Variants in C1QTNF3 observed in about 807,000 individuals in gnomAD.
C1QTNF3 encodes C1q and TNF related 3, also known as complement C1q tumor necrosis factor-related protein 3.
Under a neutral mutation model 32.6 loss-of-function variants are expected in C1QTNF3, and 26 were observed. The ratio of observed to expected loss-of-function variants is 0.80; its 90% CI spans 0.58 to 1.11. C1QTNF3 has a LOEUF of 1.11. Among genes scored for constraint, C1QTNF3 ranks in the 50% least tolerant of loss-of-function variants. The pLI, the probability that C1QTNF3 is intolerant of heterozygous loss-of-function variation, is 0.00. For synonymous variants in C1QTNF3, 155 were observed against 146.0 expected, an observed-to-expected ratio of 1.06 and a Z score of -0.44; for missense variants, 362 against 398.2, an observed-to-expected ratio of 0.91 and a Z score of 0.77.
chr5:34,028,813 T>C lies in C1QTNF3; in HGVS notation c.641A>G (p.Glu214Gly). The change falls in exon 4 of 6, where the codon GAG (glutamate) becomes GGG (glycine). Residue 214 changes from glutamate to glycine, a missense_variant. Physicochemically the swap from Glu to Gly is moderately conservative, Grantham distance 98. Coordinates refer to ENST00000382065, the MANE Select transcript of C1QTNF3 (RefSeq NM_181435.6). ...ATCAAAGAAGTTTCCAATGTTGGTCTCAACACTGCTGAAGATAATCCCACT... is the reference window on the plus strand; with the variant it reads ...ATCAAAGAAGTTTCCAATGTTGGTCCCAACACTGCTGAAGATAATCCCACT... ...QNSGIIFSSV[E>G]TNIGNFFDVM... 1 of 1,613,172 alleles carries C rather than the reference T, an allele frequency of 6.2e-7. No homozygotes were observed. Among genetic ancestry groups the C allele is most frequent in the Non-Finnish European group, 8.5e-7 (1 of 1,179,502 alleles).
intron 4 of C1QTNF3, among the ~76,000 whole-genome samples, chr5:34,028,075 C>A (rs1754518086): frequency 6.6e-6 from 1 of 152,144 alleles, no homozygotes; most frequent in Non-Finnish European, 1.5e-5. Flanking sequence ...CGGGTTCAAC[C>A]CATTCTCCTG....
At position 34,042,873 on chromosome 5, in the gene C1QTNF3, G is replaced by A; in HGVS notation, c.253C>T (p.Pro85Ser). The A allele has an allele frequency of 6.2e-7, 1 of 1,614,116 alleles. No individual in the cohort carries two copies. Among genetic ancestry groups the A allele is most frequent in the Non-Finnish European group, 8.5e-7 (1 of 1,180,026 alleles). The change falls in exon 1 of 6, where the codon CCG becomes TCG. Residue 85 changes from proline (P) to serine (S), a missense_variant. By Grantham distance (74) the Pro-to-Ser change is moderately conservative (BLOSUM62 -1). Coordinates refer to ENST00000382065, the MANE Select transcript of C1QTNF3 (RefSeq NM_181435.6). ...GCTAGGTCATCTACCTCGGGGTGCG[G>A]TAGCTCATCTGGTCTCAGGGATTTT... ...DLKSLRPDEL[P>S]HPEVDDLAQI...
the C1QTNF3 span, among the ~76,000 whole-genome samples, chr5:34,183,327 C>CTTTTTTTTTTTTTT: frequency 7.1e-6 from 1 of 140,260 alleles, no homozygotes; most frequent in African/African-American, 2.9e-5. Context: ...TTTTAATTTT[C>CTTTTTTTTTTTTTT]TTTTTTTTTT....
the C1QTNF3 span, among the ~76,000 whole-genome samples, chr5:34,177,480 CTTTTTT>C: frequency 6.4e-4 from 54 of 84,654 alleles, 1 homozygote; most frequent in Admixed American, 2.7e-3. Flanking sequence ...CCATACCCAA[CTTTTTT>C]TTTTTTTTTT....
chr5:34,129,989 G>T, the C1QTNF3 span, among the ~76,000 whole-genome samples: 1 of 151,712 alleles, frequency 6.6e-6, no homozygotes, highest in African/African-American at 2.4e-5. Flanking sequence ...TTTCTTAAAT[G>T]TCTGTTCCTT....
intron 3 of C1QTNF3, among the ~76,000 whole-genome samples, chr5:34,030,764 G>T (rs1754591890): frequency 6.6e-6 from 1 of 152,198 alleles, no homozygotes; most frequent in Non-Finnish European, 1.5e-5. Context: ...AAAAAAGAAT[G>T]ACATCATGTC....
In C1QTNF3 at chr5:34,020,608, C is replaced by A. The variant is rs1754300490; in HGVS notation, c.935G>T (p.Gly312Val). The change falls in exon 6 of 6, where the codon GGA (glycine) becomes GTA (valine). Residue 312 changes from glycine to valine, a missense_variant. Physicochemically the swap from Gly to Val is moderately radical, Grantham distance 109. Coordinates refer to ENST00000382065, the MANE Select transcript of C1QTNF3 (RefSeq NM_181435.6). Reference sequence around the variant, plus strand: ...TTACTTAGTTTCAAAGAGCAGGAATCCTGCAAAGGTGGAGAAGCGTTGGTG... The same window carrying A: ...TTACTTAGTTTCAAAGAGCAGGAATACTGCAAAGGTGGAGAAGCGTTGGTG... ...GDHQRFSTFA[G>V]FLLFETK is the part of the protein sequence containing the mutation. 6.2e-7 allele frequency: 1 copy of A among 1,614,108 alleles called. No homozygotes were observed. The highest frequency in any genetic ancestry group is 8.5e-7 in the Non-Finnish European group (1 of 1,180,036).
chr5:34,164,151 CT>C, the C1QTNF3 span, among the ~76,000 whole-genome samples: 1 of 151,988 alleles, frequency 6.6e-6, no homozygotes, highest in South Asian at 2.1e-4. Flanking sequence ...AGCAAATGCC[CT>C]TAGTGAGTTG....
At chr5:34,056,479 T>TATATATATAGAG in the C1QTNF3 span, among the ~76,000 whole-genome samples, 5 of 51,776 alleles carry the variant, frequency 9.7e-5, no homozygotes, top group South Asian at 9.5e-4. Context: ...TATATATATA[T>TATATATATAGAG]AGAGAGAGAG....
the C1QTNF3 span, among the ~76,000 whole-genome samples, chr5:34,062,069 T>C: frequency 6.6e-6 from 1 of 152,224 alleles, no homozygotes; most frequent in Non-Finnish European, 1.5e-5. Context: ...TTCTACCAGA[T>C]ACCCTAAATC....
At chr5:34,037,158 T>C (rs957986972) in intron 1 of C1QTNF3, among the ~76,000 whole-genome samples, 4 of 152,218 alleles carry the variant, frequency 2.6e-5, no homozygotes, top group African/African-American at 9.7e-5. Context: ...CTTATGAAAT[T>C]TGAACTCCCA....
the C1QTNF3 span, among the ~76,000 whole-genome samples, chr5:34,074,095 T>C: frequency 6.6e-6 from 1 of 152,228 alleles, no homozygotes; most frequent in Non-Finnish European, 1.5e-5. Context: ...ATGCTAATTT[T>C]GTGATATTTC....
chr5:34,056,138 G>T, the C1QTNF3 span, among the ~76,000 whole-genome samples: 1 of 152,014 alleles, frequency 6.6e-6, no homozygotes, highest in Non-Finnish European at 1.5e-5. Context: ...TCGCAGAAAA[G>T]GTCCTCTGCT....
the C1QTNF3 span, among the ~76,000 whole-genome samples, chr5:34,174,211 C>G: frequency 5.3e-5 from 8 of 152,170 alleles, no homozygotes; most frequent in African/African-American, 7.2e-5. Flanking sequence ...GTGCTCACCA[C>G]CACGCAGGGA....
the C1QTNF3 span, among the ~76,000 whole-genome samples, chr5:34,178,420 C>CA: frequency 6.6e-6 from 1 of 152,184 alleles, no homozygotes; most frequent in African/African-American, 2.4e-5. Flanking sequence ...GCAAACAGAA[C>CA]AGTGCAGTCC....
chr5:34,020,281 G>A lies in C1QTNF3; in HGVS notation c.*302C>T. On this transcript the variant is annotated 3_prime_UTR_variant, in exon 6 of 6. Coordinates refer to ENST00000382065, the MANE Select transcript of C1QTNF3 (RefSeq NM_181435.6). ...TCAAAATTCTTTGCAAATGACTTCT[G>A]TGATAGAAAAAAATATTTCCAACCT... 3.9e-6 allele frequency: 1 copy of A among 257,720 alleles called. No individual in the cohort carries two copies. Among genetic ancestry groups the A allele is most frequent in the Non-Finnish European group, 7.4e-6 (1 of 134,394 alleles). 16.0% of individuals were successfully genotyped at this position (257,720 alleles called of 1,614,324 possible). A position where few individuals can be genotyped will look rare whatever the true frequency, so the allele number is the denominator to read the frequency against.
At chr5:34,119,827 T>C in the C1QTNF3 span, among the ~76,000 whole-genome samples, 1 of 152,176 alleles carries the variant, frequency 6.6e-6, no homozygotes, top group African/African-American at 2.4e-5. Context: ...ATCCTTGTGA[T>C]ACATTATGCC....
intron 4 of C1QTNF3, 114 bp from the exon 5 acceptor site, chr5:34,024,122 T>A (rs1754405814): frequency 4.0e-6 from 3 of 744,116 alleles, no homozygotes; most frequent in Non-Finnish European, 6.8e-6. Flanking sequence ...ATATTCTTTG[T>A]AGTATGGTGT....
chr5:34,025,737 T>G (rs1754443796), intron 4 of C1QTNF3, among the ~76,000 whole-genome samples: 1 of 152,198 alleles, frequency 6.6e-6, no homozygotes, highest in Non-Finnish European at 1.5e-5. Flanking sequence ...ATTAAATCCT[T>G]ACTTAGGCTT....
Sources: gnomAD v4.1 joint callset for allele counts (sites outside exome capture counted in the v4.1 genomes callset) on GRCh38, gnomAD v4.1.1 for gene constraint, MANE v1.5 for transcripts, NCBI Gene and HGNC (gene_info 2026-07-23, HGNC 2026-07-21) for gene names.